The following HIP1 variants were observed in gnomAD, a reference collection of about 807,000 sequenced individuals.
The protein encoded by HIP1 is huntingtin-interacting protein 1.
Under a neutral mutation model 147.6 loss-of-function variants are expected in HIP1, and 65 were observed. The ratio of observed to expected loss-of-function variants is 0.44; its 90% CI spans 0.36 to 0.54. HIP1 has a LOEUF of 0.54. Among genes scored for constraint, HIP1 ranks in the 20% least tolerant of loss-of-function variants. HIP1 has a pLI of 0.00. For missense variants in HIP1, 1,061 were observed against 1,299.6 expected, an observed-to-expected ratio of 0.82 and a Z score of 2.82; for synonymous variants, 479 against 504.0, an observed-to-expected ratio of 0.95 and a Z score of 0.67.
intron 1 of HIP1, among the ~76,000 whole-genome samples, chr7:75,717,417 G>A (rs1306394757): frequency 1.3e-5 from 2 of 152,124 alleles, no homozygotes; most frequent in African/African-American, 4.8e-5. Context: ...TTAAAACTCT[G>A]TGGGGACAGG....
chr7:75,659,966 A>AGCT (rs2117209128), intron 1 of HIP1, among the ~76,000 whole-genome samples: 1 of 151,370 alleles, frequency 6.6e-6, no homozygotes, highest in African/African-American at 2.4e-5. Flanking sequence ...TCTCTACTAA[A>AGCT]AATACAAAAA....
chr7:75,651,519 C>T (rs921232552), intron 1 of HIP1, among the ~76,000 whole-genome samples: 14 of 141,996 alleles, frequency 9.9e-5, no homozygotes, highest in Non-Finnish European at 3.1e-5. Flanking sequence ...GTAAAAACAT[C>T]CCAAGATTCT....
chr7:75,663,853 A>C (rs2117219659), intron 1 of HIP1, among the ~76,000 whole-genome samples: 1 of 151,058 alleles, frequency 6.6e-6, no homozygotes, highest in Admixed American at 6.6e-5. Flanking sequence ...CTGCTAAGGC[A>C]AGATTACAGG....
chr7:75,585,092 C>T (rs1321243391), intron 5 of HIP1, among the ~76,000 whole-genome samples: 1 of 152,076 alleles, frequency 6.6e-6, no homozygotes, highest in Non-Finnish European at 1.5e-5. Context: ...TCAAGTGATC[C>T]TCCTGCCTTG....
chr7:75,615,264 G>C (rs1797613636), intron 1 of HIP1, among the ~76,000 whole-genome samples: 1 of 151,994 alleles, frequency 6.6e-6, no homozygotes, highest in Non-Finnish European at 1.5e-5. Context: ...GATAGGAAGT[G>C]GACCCTGTGG....
intron 4 of HIP1, among the ~76,000 whole-genome samples, chr7:75,591,369 A>G (rs1284178185): frequency 1.3e-5 from 2 of 152,066 alleles, no homozygotes; most frequent in African/African-American, 4.8e-5. Context: ...ACCCCTCTCC[A>G]TATACACACC....
chr7:75,692,235 A>G (rs1554518226), intron 1 of HIP1, among the ~76,000 whole-genome samples: 1 of 151,892 alleles, frequency 6.6e-6, no homozygotes, highest in Non-Finnish European at 1.5e-5. Flanking sequence ...CAATTAATAT[A>G]TCTGCATTCC....
chr7:75,681,967 A>G (rs1284989420), intron 1 of HIP1, among the ~76,000 whole-genome samples: 6 of 151,602 alleles, frequency 4.0e-5, no homozygotes, highest in African/African-American at 9.7e-5. Flanking sequence ...AACGTCCATT[A>G]AAGAAATAAA....
At chr7:75,678,360 T>TCC (rs372824703) in intron 1 of HIP1, among the ~76,000 whole-genome samples, 2 of 127,606 alleles carry the variant, frequency 1.6e-5, no homozygotes, top group African/African-American at 6.1e-5. Context: ...TTTTTTTTTT[T>TCC]TGAGACAGCA....
In HIP1 at chr7:75,639,562, C is replaced by CGTGTGTGTGT. The variant is rs57827695; in HGVS notation, c.121-40325_121-40316dup. ...GAGAGGCCGCCGGCCCGCCAGGAAGCGTGTGTGTGTGTGTGTGTGTGTGTG... is the reference window on the plus strand; with the variant it reads ...GAGAGGCCGCCGGCCCGCCAGGAAGCGTGTGTGTGTGTGTGTGTGTGTGTGTGTGTGTGTG... On this transcript the variant is annotated intron_variant, in intron 1 of 30. Coordinates refer to ENST00000336926, the MANE Select transcript of HIP1 (RefSeq NM_005338.7). 7.6e-3 allele frequency among the ~76,000 whole-genome samples: 1,042 copies of CGTGTGTGTGT among 137,444 alleles called. 14 individuals are homozygous for CGTGTGTGTGT. The highest frequency in any genetic ancestry group is 0.025 in the African/African-American group (904 of 35,936). The allele number at this position is 137,444 out of a possible 152,430, so 90.2% of individuals were successfully genotyped here.
chr7:75,648,720 G>A (rs1798881730), intron 1 of HIP1, among the ~76,000 whole-genome samples: 8 of 152,146 alleles, frequency 5.3e-5, no homozygotes, highest in Admixed American at 5.2e-4. Flanking sequence ...AGGGGGCAAG[G>A]AGAGACATGA....
intron 1 of HIP1, among the ~76,000 whole-genome samples, chr7:75,613,012 G>T (rs1797501732): frequency 6.6e-6 from 1 of 152,078 alleles, no homozygotes; most frequent in African/African-American, 2.4e-5. Context: ...ACTGAGGTGG[G>T]AGGATGGCTT....
chr7:75,657,938 A>G (rs186830360), intron 1 of HIP1, among the ~76,000 whole-genome samples: 89 of 152,260 alleles, frequency 5.8e-4, no homozygotes, highest in Admixed American at 4.4e-3. Context: ...GAAGAAAAAT[A>G]AAATTAGGAT....
intron 1 of HIP1, among the ~76,000 whole-genome samples, chr7:75,714,329 G>C (rs782298946): frequency 6.6e-6 from 1 of 152,064 alleles, no homozygotes; most frequent in African/African-American, 2.4e-5. Flanking sequence ...GTGAGCCGCC[G>C]CGCCTGGCCT....
At chr7:75,605,614 C>A (rs1797195027) in intron 1 of HIP1, among the ~76,000 whole-genome samples, 1 of 152,158 alleles carries the variant, frequency 6.6e-6, no homozygotes, top group African/African-American at 2.4e-5. Flanking sequence ...CTCACTGCAA[C>A]CTCCACCTCC....
At chr7:75,688,504 C>T (rs997059016) in intron 1 of HIP1, among the ~76,000 whole-genome samples, 1 of 152,074 alleles carries the variant, frequency 6.6e-6, no homozygotes, top group Non-Finnish European at 1.5e-5. Flanking sequence ...CAAGTGCAGC[C>T]CGGCTGACAG....
chr7:75,553,354 A>G (rs1011266659), intron 22 of HIP1, 99 bp downstream of exon 22: 1 of 1,399,496 alleles, frequency 7.1e-7, no homozygotes, highest in Non-Finnish European at 9.8e-7. Flanking sequence ...TTCTAAGTGC[A>G]GAAAGAACTA....
At chr7:75,604,188 T>C (rs1797126446) in intron 1 of HIP1, among the ~76,000 whole-genome samples, 1 of 152,050 alleles carries the variant, frequency 6.6e-6, no homozygotes, top group Non-Finnish European at 1.5e-5. Flanking sequence ...CTGGGCAAAG[T>C]CTCCATACTT....
intron 1 of HIP1, among the ~76,000 whole-genome samples, chr7:75,690,183 T>C (rs1584953387): frequency 6.6e-6 from 1 of 151,738 alleles, no homozygotes; most frequent in African/African-American, 2.4e-5. Flanking sequence ...GAGGCTGGGG[T>C]TGGAAGATCG....
Sources: gnomAD v4.1 joint callset for allele counts (sites outside exome capture counted in the v4.1 genomes callset) on GRCh38, gnomAD v4.1.1 for gene constraint, MANE v1.5 for transcripts, NCBI Gene and HGNC (gene_info 2026-07-23, HGNC 2026-07-21) for gene names.